The following RANBP2 variants were observed in gnomAD, a reference collection of about 807,000 sequenced individuals.
The protein encoded by RANBP2 is RAN binding protein 2.
In RANBP2, 57 loss-of-function variants were observed where a neutral mutation model predicts 303.6. That is an observed-to-expected ratio of 0.19 (90% CI 0.15 to 0.23). The LOEUF (loss-of-function observed/expected upper bound fraction) is 0.23. RANBP2 is among the 10% of genes least tolerant of loss of function. The probability of loss-of-function intolerance (pLI) is 1.00; values close to 1 mark genes in which losing one functional copy is unlikely to be tolerated. For missense variants in RANBP2, 3,138 were observed against 3,780.8 expected (o/e 0.83, Z 4.46); for synonymous variants, 1,167 against 1,301.5 (o/e 0.90, Z 2.23).
the RANBP2 span, chr2:108,929,226 C>T: frequency 1.2e-6 from 2 of 1,614,142 alleles, no homozygotes; most frequent in Middle Eastern, 3.3e-4. Flanking sequence ...CACTCAGCGT[C>T]ATTCTCCATG....
the RANBP2 span, among the ~76,000 whole-genome samples, chr2:109,572,565 G>A: frequency 1.4e-5 from 2 of 145,380 alleles, no homozygotes; most frequent in Non-Finnish European, 3.0e-5. Context: ...TTGACTGCCT[G>A]TTTTATACCC....
chr2:109,026,641 T>A, the RANBP2 span, among the ~76,000 whole-genome samples: 1 of 152,178 alleles, frequency 6.6e-6, no homozygotes, highest in East Asian at 1.9e-4. Context: ...GCCCAGACTG[T>A]GCCCCTCACA....
At chr2:109,231,775 T>C in the RANBP2 span, among the ~76,000 whole-genome samples, 413 of 152,390 alleles carry the variant, frequency 2.7e-3, 4 homozygotes, top group African/African-American at 9.5e-3. Flanking sequence ...GTGTTGGATC[T>C]TCTATTCCTT....
At chr2:109,491,942 A>G in the RANBP2 span, among the ~76,000 whole-genome samples, 1 of 152,160 alleles carries the variant, frequency 6.6e-6, no homozygotes, top group African/African-American at 2.4e-5. Context: ...GGGGAATGAG[A>G]CGGGGTCTAT....
chr2:108,720,006 A>G (rs1573665488), intron 1 of RANBP2: 2 of 984,732 alleles, frequency 2.0e-6, no homozygotes, highest in Admixed American at 6.2e-5. Context: ...CGCGCGGCCT[A>G]GTTCTCGGGG....
the RANBP2 span, among the ~76,000 whole-genome samples, chr2:109,099,216 T>C: frequency 2.0e-5 from 3 of 152,184 alleles, no homozygotes; most frequent in East Asian, 5.8e-4. Flanking sequence ...GTTACATACA[T>C]CCCATGTTCA....
the RANBP2 span, among the ~76,000 whole-genome samples, chr2:108,800,798 C>A: frequency 2.7e-5 from 3 of 111,240 alleles, no homozygotes; most frequent in African/African-American, 1.1e-4. Context: ...CCACCACAGT[C>A]CCCAGAGTGT....
the RANBP2 span, among the ~76,000 whole-genome samples, chr2:109,603,914 C>G: frequency 6.6e-6 from 1 of 151,968 alleles, no homozygotes; most frequent in Non-Finnish European, 1.5e-5. Flanking sequence ...GTAATCCCAG[C>G]ACTTTGGGAG....
chr2:109,060,222 A>G, the RANBP2 span, among the ~76,000 whole-genome samples: 1 of 152,126 alleles, frequency 6.6e-6, no homozygotes, highest in Non-Finnish European at 1.5e-5. Context: ...AAGAAAGAAT[A>G]TGGAGAATTT....
chr2:109,612,056 C>T, the RANBP2 span, among the ~76,000 whole-genome samples: 1 of 152,036 alleles, frequency 6.6e-6, no homozygotes, highest in African/African-American at 2.4e-5. Flanking sequence ...AGCTTTATTG[C>T]CAATAGCCAA....
chr2:109,085,222 C>T, the RANBP2 span, among the ~76,000 whole-genome samples: 2 of 152,350 alleles, frequency 1.3e-5, no homozygotes, highest in Non-Finnish European at 2.9e-5. Flanking sequence ...TCCACCACTC[C>T]ATAGCAGGGG....
the RANBP2 span, among the ~76,000 whole-genome samples, chr2:109,432,304 C>A: frequency 6.6e-6 from 1 of 152,152 alleles, no homozygotes; most frequent in African/African-American, 2.4e-5. Flanking sequence ...CCCGAAGGCT[C>A]CCTGCCTCGT....
the RANBP2 span, among the ~76,000 whole-genome samples, chr2:109,030,802 G>A: frequency 1.3e-5 from 2 of 152,136 alleles, no homozygotes; most frequent in East Asian, 3.9e-4. Context: ...TGCCCAGGCT[G>A]GTCTTGAACT....
chr2:109,142,023 T>C, the RANBP2 span, among the ~76,000 whole-genome samples: 1 of 147,542 alleles, frequency 6.8e-6, no homozygotes. Flanking sequence ...CAAGTCCTCT[T>C]CTGGGGTCCT....
chr2:109,273,940 C>G, the RANBP2 span, among the ~76,000 whole-genome samples: 1 of 152,072 alleles, frequency 6.6e-6, no homozygotes, highest in Admixed American at 6.5e-5. Flanking sequence ...TGCTTTAGGG[C>G]TATGTGACTT....
At chr2:108,798,529 G>C in the RANBP2 span, 2 of 1,613,860 alleles carry the variant, frequency 1.2e-6, no homozygotes, top group East Asian at 2.2e-5. Flanking sequence ...AAAATGCCTT[G>C]AGTAAAATTA....
At chr2:109,519,268 C>T in the RANBP2 span, among the ~76,000 whole-genome samples, 1 of 152,082 alleles carries the variant, frequency 6.6e-6, no homozygotes, top group Non-Finnish European at 1.5e-5. Flanking sequence ...AACTCTAACA[C>T]GAGAACAGCA....
At chr2:109,556,387 A>G in the RANBP2 span, among the ~76,000 whole-genome samples, 2 of 152,254 alleles carry the variant, frequency 1.3e-5, no homozygotes, top group African/African-American at 4.8e-5. Context: ...CTTAAATTTT[A>G]TAACTGGAGA....
At chr2:109,723,725 C>T in the RANBP2 span, among the ~76,000 whole-genome samples, 1 of 152,114 alleles carries the variant, frequency 6.6e-6, no homozygotes, top group Non-Finnish European at 1.5e-5. Flanking sequence ...GTTGTCTGTT[C>T]ACTCTGCTAA....
Sources: gnomAD v4.1 joint callset for allele counts (sites outside exome capture counted in the v4.1 genomes callset) on GRCh38, gnomAD v4.1.1 for gene constraint, MANE v1.5 for transcripts, NCBI Gene and HGNC (gene_info 2026-07-23, HGNC 2026-07-21) for gene names.